The following NME7 variants were observed in gnomAD, a reference collection of about 807,000 sequenced individuals.
NME7 encodes NME/NM23 family member 7, also known as nucleoside diphosphate kinase 7.
A neutral mutation model predicts 49.1 loss-of-function variants in NME7; 41 were observed. The observed-to-expected ratio is 0.83, with a 90% CI of 0.65 to 1.08. The LOEUF (loss-of-function observed/expected upper bound fraction) is 1.08, where lower values mean the gene tolerates loss of function less well. Ranked by LOEUF, NME7 falls within the 50% of genes least tolerant of loss-of-function variation. The pLI is 0.00. For missense variants in NME7, 423 were observed against 463.4 expected, an observed-to-expected ratio of 0.91 and a Z score of 0.80; for synonymous variants, 139 against 150.6, an observed-to-expected ratio of 0.92 and a Z score of 0.56.
At chr1:169,233,507 T>C (rs1266978022) in intron 9 of NME7, among the ~76,000 whole-genome samples, 3 of 152,134 alleles carry the variant, frequency 2.0e-5, no homozygotes, top group Non-Finnish European at 4.4e-5. Flanking sequence ...TTTCATGACT[T>C]TGAGGATTTA....
chr1:169,347,332 T>A (rs549379408), intron 1 of NME7, among the ~76,000 whole-genome samples: 1 of 152,270 alleles, frequency 6.6e-6, no homozygotes, highest in South Asian at 2.1e-4. Context: ...ATCTGAGATG[T>A]CAAAACGGGA....
At chr1:169,236,254 A>C (rs1647854762) in intron 8 of NME7, among the ~76,000 whole-genome samples, 1 of 152,180 alleles carries the variant, frequency 6.6e-6, no homozygotes, top group Non-Finnish European at 1.5e-5. Context: ...TAACCCATTT[A>C]GGCAGATACT....
At chr1:169,352,122 A>T (rs1289954329) in intron 1 of NME7, among the ~76,000 whole-genome samples, 1 of 152,020 alleles carries the variant, frequency 6.6e-6, no homozygotes, top group African/African-American at 2.4e-5. Flanking sequence ...CATCAAAAAA[A>T]AAAGAATGAA....
intron 10 of NME7, among the ~76,000 whole-genome samples, chr1:169,181,573 T>C (rs1659933658): frequency 6.6e-6 from 1 of 152,068 alleles, no homozygotes; most frequent in African/African-American, 2.4e-5. Flanking sequence ...TCTTTTCAAG[T>C]TTATTTTATG....
intron 7 of NME7, among the ~76,000 whole-genome samples, chr1:169,248,097 C>T (rs954155464): frequency 2.0e-5 from 3 of 152,162 alleles, no homozygotes; most frequent in African/African-American, 7.2e-5. Flanking sequence ...TACATTCCTA[C>T]CAGCAGTGTA....
chr1:169,350,241 AGAAAGAAGGAAG>A (rs1429570284), intron 1 of NME7, among the ~76,000 whole-genome samples: 5 of 3,708 alleles, frequency 1.3e-3, no homozygotes, highest in African/African-American at 3.3e-3. Context: ...AAAGAAAGAA[AGAAAGAAGGAAG>A]GAAGGAAGGA....
intron 10 of NME7, among the ~76,000 whole-genome samples, chr1:169,223,667 A>G (rs1258342824): frequency 1.3e-5 from 2 of 152,092 alleles, no homozygotes; most frequent in African/African-American, 4.8e-5. Flanking sequence ...TTGCCATTTC[A>G]CTTCTCTGAG....
At chr1:169,367,381 T>G (rs1305426128) in intron 1 of NME7, among the ~76,000 whole-genome samples, 1 of 152,176 alleles carries the variant, frequency 6.6e-6, no homozygotes, top group Non-Finnish European at 1.5e-5. Context: ...TAAAGCGCGT[T>G]AATGTGAATC....
chr1:169,323,329 G>A (rs762860915), intron 2 of NME7, 46 bp from the exon 3 acceptor site: 2 of 1,413,350 alleles, frequency 1.4e-6, no homozygotes, highest in Non-Finnish European at 1.9e-6. Context: ...AAAAAGTTAT[G>A]AATAAGGAAA....
intron 7 of NME7, among the ~76,000 whole-genome samples, chr1:169,279,291 G>A (rs542588806): frequency 6.6e-6 from 1 of 152,342 alleles, no homozygotes; most frequent in Admixed American, 6.5e-5. Context: ...GCCCCCAGAG[G>A]TGGAGCCTAC....
At position 169,278,683 on chromosome 1, in the gene NME7, T is replaced by G. The variant is rs533094050; in HGVS notation, c.754+8620A>C. On this transcript the variant is annotated intron_variant, in intron 7 of 11. Coordinates refer to ENST00000367811, the MANE Select transcript of NME7 (RefSeq NM_013330.5). Reference sequence around the variant, plus strand: ...TGATCATGTGAAGCCTTCTCTCAACTCGTCAAAGTCATTCTCCATCCAGCT... The same window carrying G: ...TGATCATGTGAAGCCTTCTCTCAACGCGTCAAAGTCATTCTCCATCCAGCT... 3.3e-5 allele frequency among the ~76,000 whole-genome samples: 5 copies of G among 152,346 alleles called. No homozygotes were observed. The East Asian group carries it at 9.6e-4, about 29-fold the overall frequency.
At chr1:169,361,849 G>A (rs1653669959) in intron 1 of NME7, among the ~76,000 whole-genome samples, 2 of 151,718 alleles carry the variant, frequency 1.3e-5, no homozygotes, top group South Asian at 4.2e-4. Context: ...CATAAAGTTG[G>A]AAACTGAAAA....
intron 7 of NME7, among the ~76,000 whole-genome samples, chr1:169,250,077 T>G (rs76017901): frequency 6.6e-6 from 1 of 152,078 alleles, no homozygotes; most frequent in East Asian, 1.9e-4. Context: ...CTGGTAGGAT[T>G]CAGTTGTGAA....
At chr1:169,258,709 C>A (rs12040813) in intron 7 of NME7, among the ~76,000 whole-genome samples, 18,875 of 131,750 alleles carry the variant, frequency 0.14, 4,650 homozygotes, top group Admixed American at 0.16. Context: ...TGCTCCTTTT[C>A]TGTTGTAAGC....
At chr1:169,252,660 C>G (rs922230302) in intron 7 of NME7, among the ~76,000 whole-genome samples, 7 of 151,878 alleles carry the variant, frequency 4.6e-5, no homozygotes, top group South Asian at 2.1e-4. Context: ...GAATGGTAAT[C>G]CCTAGGTTTT....
At chr1:169,164,103 CTG>C (rs1659332222) in intron 11 of NME7, among the ~76,000 whole-genome samples, 1 of 113,824 alleles carries the variant, frequency 8.8e-6, no homozygotes, top group Non-Finnish European at 1.8e-5. Context: ...GAGCGAGACT[CTG>C]TCTCAAAAAA....
chr1:169,227,470 T>G (rs933040028), intron 10 of NME7, among the ~76,000 whole-genome samples: 3 of 152,222 alleles, frequency 2.0e-5, no homozygotes, highest in African/African-American at 7.2e-5. Context: ...AATGTATTTC[T>G]GCTGGGTGAG....
At chr1:169,223,084 G>C (rs559748068) in intron 10 of NME7, among the ~76,000 whole-genome samples, 93 of 152,204 alleles carry the variant, frequency 6.1e-4, no homozygotes, top group African/African-American at 2.2e-3. Flanking sequence ...GTCCTGAACA[G>C]TTCCTCAGTC....
chr1:169,159,496 C>A lies in NME7; in HGVS notation c.1098+9951G>T, dbSNP rs1659180457. On this transcript the variant is annotated intron_variant, in intron 11 of 11. Coordinates refer to ENST00000367811, the MANE Select transcript of NME7 (RefSeq NM_013330.5). ...ACACCCCAACCCACCAACATGGAGG[C>A]CATTATATTCACCTCTTTTCTCCGA... Among the ~76,000 whole-genome samples, 3 of 152,264 alleles carry A rather than the reference C, an allele frequency of 2.0e-5. No homozygotes were observed. In the South Asian group the frequency reaches 6.2e-4, roughly 32 times the overall value.
Sources: allele counts gnomAD v4.1 joint callset (sites outside exome capture counted in the v4.1 genomes callset), GRCh38; gene constraint gnomAD v4.1.1; transcripts MANE v1.5; gene names NCBI Gene and HGNC (gene_info 2026-07-23, HGNC 2026-07-21).